PCDHA13: variants seen among roughly 807,000 people sequenced by gnomAD.
PCDHA13 encodes protocadherin alpha-13.
PCDHA13 carries 54 observed loss-of-function variants against 64.8 expected under a neutral mutation model. The ratio of observed to expected loss-of-function variants is 0.83; its 90% confidence interval spans 0.67 to 1.04. The LOEUF (loss-of-function observed/expected upper bound fraction) is 1.04. Among genes scored for constraint, PCDHA13 ranks in the 50% least tolerant of loss-of-function variants. PCDHA13 has a pLI of 0.00. For missense variants in PCDHA13, 1,248 were observed against 1,254.3 expected (o/e 0.99, Z 0.08); for synonymous variants, 587 against 564.4 (o/e 1.04, Z -0.57).
intron 1 of PCDHA13, among the ~76,000 whole-genome samples, chr5:140,964,646 G>A (rs1554227128): frequency 6.6e-6 from 1 of 152,004 alleles, no homozygotes; most frequent in African/African-American, 2.4e-5. Context: ...TCAGAAACAA[G>A]TAATGGGTGA....
At chr5:140,915,682 G>A (rs1239251164) in intron 1 of PCDHA13, among the ~76,000 whole-genome samples, 1 of 151,322 alleles carries the variant, frequency 6.6e-6, no homozygotes, top group Admixed American at 6.6e-5. Context: ...CTTGAACTAG[G>A]GGTATGGTGA....
chr5:141,003,322 G>A (rs1588017257), intron 3 of PCDHA13, among the ~76,000 whole-genome samples: 1 of 152,242 alleles, frequency 6.6e-6, no homozygotes, highest in East Asian at 1.9e-4. Flanking sequence ...ACTTCCAGAG[G>A]GCAGGGTTTT....
At chr5:140,956,719 T>C (rs2095305109) in intron 1 of PCDHA13, among the ~76,000 whole-genome samples, 1 of 152,216 alleles carries the variant, frequency 6.6e-6, no homozygotes, top group Non-Finnish European at 1.5e-5. Context: ...TCAGAAGAAT[T>C]GGTACCAGCT....
chr5:140,976,689 T>TTTGCA (rs1280133734), intron 1 of PCDHA13, among the ~76,000 whole-genome samples: 2 of 152,232 alleles, frequency 1.3e-5, no homozygotes, highest in East Asian at 3.8e-4. Context: ...GCAATTTAAG[T>TTTGCA]ACAATAATGT....
At chr5:140,914,023 G>A (rs1434570010) in intron 1 of PCDHA13, among the ~76,000 whole-genome samples, 5 of 152,112 alleles carry the variant, frequency 3.3e-5, no homozygotes, top group African/African-American at 7.2e-5. Context: ...AATGATCCAC[G>A]TGCTGAGAAG....
chr5:140,999,628 G>C (rs1169273057), intron 3 of PCDHA13, among the ~76,000 whole-genome samples: 2 of 152,182 alleles, frequency 1.3e-5, no homozygotes, highest in Admixed American at 1.3e-4. Context: ...AGGAAACAAG[G>C]TAGAGAAAAC....
intron 3 of PCDHA13, among the ~76,000 whole-genome samples, chr5:140,994,802 C>T (rs541054161): frequency 7.9e-5 from 12 of 152,066 alleles, no homozygotes; most frequent in Non-Finnish European, 1.6e-4. Flanking sequence ...CATGCAAAAA[C>T]AAAATACAAA....
In PCDHA13 at chr5:141,011,771, G is replaced by A. The variant is rs1327507093; in HGVS notation, c.*1834G>A. On this transcript the variant is annotated 3_prime_UTR_variant, in exon 4 of 4. Transcript: ENST00000289272. ...TCTGACCTCTTTGAAGTTGCAGAATGCTTTGAAATTCTAATGGTATCTGAA... is the reference window on the plus strand; with the variant it reads ...TCTGACCTCTTTGAAGTTGCAGAATACTTTGAAATTCTAATGGTATCTGAA... The A allele has an allele frequency of 1.3e-5, 2 of 153,698 alleles. No individual in the cohort carries two copies. The highest frequency in any genetic ancestry group is 4.8e-5 in the African/African-American group (2 of 41,424). The allele number at this position is 153,698 out of a possible 1,614,324, so 9.5% of individuals were successfully genotyped here.
At chr5:140,984,227 T>C (rs571404372) in intron 3 of PCDHA13, among the ~76,000 whole-genome samples, 1 of 152,336 alleles carries the variant, frequency 6.6e-6, no homozygotes, top group Admixed American at 6.5e-5. Context: ...CTTGCTCTTA[T>C]GGAGGCATTG....
At chr5:140,929,191 A>G in intron 1 of PCDHA13, 1 of 1,614,118 alleles carries the variant, frequency 6.2e-7, no homozygotes, top group Non-Finnish European at 8.5e-7. Flanking sequence ...TTCTGATAAT[A>G]ACAGTTTGCT....
At chr5:140,899,980 T>TG (rs1202261789) in intron 1 of PCDHA13, among the ~76,000 whole-genome samples, 49 of 152,074 alleles carry the variant, frequency 3.2e-4, no homozygotes, top group African/African-American at 1.1e-3. Flanking sequence ...GCTACTTTTT[T>TG]GATTTTTTTT....
At chr5:140,996,596 C>G (rs1343501273) in intron 3 of PCDHA13, among the ~76,000 whole-genome samples, 1 of 152,156 alleles carries the variant, frequency 6.6e-6, no homozygotes. Flanking sequence ...CCGCCTCCCC[C>G]CATTTTCATT....
chr5:140,955,073 C>T (rs2095133365), intron 1 of PCDHA13, among the ~76,000 whole-genome samples: 1 of 152,146 alleles, frequency 6.6e-6, no homozygotes, highest in South Asian at 2.1e-4. Context: ...TGTTGAAGAT[C>T]AGATGGTTGT....
At chr5:140,930,084 A>G (rs1350674790) in intron 1 of PCDHA13, 1 of 152,142 alleles carries the variant, frequency 6.6e-6, no homozygotes, top group Non-Finnish European at 1.5e-5. Flanking sequence ...CTCTCATAAC[A>G]TCTATTTATA....
intron 1 of PCDHA13, among the ~76,000 whole-genome samples, chr5:140,904,464 T>G (rs2071152048): frequency 1.3e-5 from 2 of 151,802 alleles, no homozygotes; most frequent in South Asian, 4.1e-4. Context: ...CACTTGTTGA[T>G]TGGTGGCTAT....
intron 2 of PCDHA13, 26 bp downstream of exon 2, chr5:140,979,033 C>G: frequency 6.2e-7 from 1 of 1,613,044 alleles, no homozygotes; most frequent in Admixed American, 1.7e-5. Flanking sequence ...CTCATTCACT[C>G]AGAAGTAACC....
chr5:140,927,621 A>G (rs141117468), intron 1 of PCDHA13: 25 of 1,614,198 alleles, frequency 1.5e-5, no homozygotes, highest in Middle Eastern at 3.3e-4. Context: ...CCAAGGTTCC[A>G]GAGACTGCAC....
rs781875497 is a variant in PCDHA13 at position 140,995,949 on chromosome 5, G to A, written c.2542+13386G>A. Among the ~76,000 whole-genome samples, 8 of 152,160 alleles carry A rather than the reference G, an allele frequency of 5.3e-5. No homozygotes were observed. In the East Asian group the frequency reaches 7.7e-4, roughly 15 times the overall value. ...GTAAGTATTAAATGACATAATGCACGCAAAATGCTTAGAACCATGCTTAGT... is the reference window on the plus strand; with the variant it reads ...GTAAGTATTAAATGACATAATGCACACAAAATGCTTAGAACCATGCTTAGT... On this transcript the variant is annotated intron_variant, in intron 3 of 3. Transcript: ENST00000289272.
chr5:140,892,304 G>A (rs1301333753), intron 1 of PCDHA13, among the ~76,000 whole-genome samples: 1 of 152,004 alleles, frequency 6.6e-6, no homozygotes, highest in East Asian at 1.9e-4. Context: ...AAATAATTTG[G>A]GGCTTATAAC....
Sources: gnomAD v4.1 joint callset for allele counts (sites outside exome capture counted in the v4.1 genomes callset) on GRCh38, gnomAD v4.1.1 for gene constraint, MANE v1.5 for transcripts, NCBI Gene and HGNC (gene_info 2026-07-23, HGNC 2026-07-21) for gene names.